The following MACROD1 variants were observed in gnomAD, a reference collection of about 807,000 sequenced individuals.
MACROD1 encodes mono-ADP ribosylhydrolase 1.
Under a neutral mutation model 41.4 loss-of-function variants are expected in MACROD1, and 31 were observed. The ratio of observed to expected loss-of-function variants is 0.75; its 90% confidence interval spans 0.56 to 1.01. The LOEUF is 1.01. Among genes scored for constraint, MACROD1 ranks in the 50% least tolerant of loss-of-function variants. The pLI is 0.00. For synonymous variants in MACROD1, 252 were observed against 203.4 expected (o/e 1.24, Z -2.03); for missense variants, 473 against 460.0 (o/e 1.03, Z -0.26).
intron 3 of MACROD1, chr11:64,138,434 G>A (rs1316872609): frequency 1.2e-6 from 1 of 831,570 alleles, no homozygotes; most frequent in Non-Finnish European, 1.5e-6. Flanking sequence ...TGTCAATTCT[G>A]GGCCATTTGC....
At chr11:64,080,095 C>T (rs1357537772) in intron 3 of MACROD1, among the ~76,000 whole-genome samples, 1 of 152,214 alleles carries the variant, frequency 6.6e-6, no homozygotes, top group African/African-American at 2.4e-5. Flanking sequence ...TCACTGCAAC[C>T]TCCGCCTCCC....
At chr11:64,141,545 G>A (rs2622424) in intron 3 of MACROD1, among the ~76,000 whole-genome samples, 9,830 of 152,306 alleles carry the variant, frequency 0.065, 392 homozygotes, top group Middle Eastern at 0.15. Flanking sequence ...AGGAACTGGC[G>A]GATCATTCCA....
At chr11:64,013,015 A>C (rs980374089) in intron 4 of MACROD1, among the ~76,000 whole-genome samples, 4 of 151,848 alleles carry the variant, frequency 2.6e-5, no homozygotes, top group Non-Finnish European at 4.4e-5. Context: ...TTTTTTGTAG[A>C]GATGGGGTCT....
Position 63,999,635 on chromosome 11 carries a change from C to T in MACROD1, c.786+7G>A, listed in dbSNP as rs750063535. The T allele has an allele frequency of 2.5e-6, 4 of 1,609,618 alleles. No individual in the cohort carries two copies. The highest frequency in any genetic ancestry group is 2.5e-6 in the Non-Finnish European group (3 of 1,178,994). Reference sequence around the variant, plus strand: ...CCTCCCGCCCTCCCCCGCGGGCCGTCCCTCACCACCGAGCGGAGCCGGTGC... The same window carrying T: ...CCTCCCGCCCTCCCCCGCGGGCCGTTCCTCACCACCGAGCGGAGCCGGTGC... On this transcript the variant is annotated splice_region_variant and intron_variant, in intron 6 of 10. Transcript: ENST00000255681.
At chr11:64,054,940 G>A (rs900389772) in intron 3 of MACROD1, among the ~76,000 whole-genome samples, 2 of 151,956 alleles carry the variant, frequency 1.3e-5, no homozygotes, top group Non-Finnish European at 2.9e-5. Flanking sequence ...GCTCTTCACC[G>A]CTGAATTTCT....
At chr11:64,098,491 C>G (rs1944616952) in intron 3 of MACROD1, among the ~76,000 whole-genome samples, 1 of 152,236 alleles carries the variant, frequency 6.6e-6, no homozygotes, top group Admixed American at 6.5e-5. Flanking sequence ...CCTTCTGTCT[C>G]CAGTGCCCTC....
chr11:64,135,359 CT>C (rs1318796818), intron 3 of MACROD1, among the ~76,000 whole-genome samples: 1 of 152,208 alleles, frequency 6.6e-6, no homozygotes, highest in Non-Finnish European at 1.5e-5. Flanking sequence ...ACAACGGTCC[CT>C]AAAGAGCAAC....
intron 3 of MACROD1, among the ~76,000 whole-genome samples, chr11:64,105,003 T>C (rs987730739): frequency 9.2e-5 from 14 of 152,176 alleles, no homozygotes; most frequent in Admixed American, 9.2e-4. Flanking sequence ...CTTCCCACGC[T>C]CTTCCTCAGG....
rs1416537873 is a variant in MACROD1 at position 64,082,280 on chromosome 11, T to C, written c.518-66999A>G. Among the ~76,000 whole-genome samples, 1 of 151,422 alleles carries C rather than the reference T, an allele frequency of 6.6e-6. No individual in the cohort carries two copies. Among genetic ancestry groups the C allele is most frequent in the Non-Finnish European group, 1.5e-5 (1 of 67,848 alleles). ...GGCTGAGCCTGGGGGGTGGAGAAAA[T>C]CTTGCCTCCTGCTCTGAGCAGCCAG... On this transcript the variant is annotated intron_variant, in intron 3 of 10. Transcript: ENST00000255681. The surrounding 1 kb of genome is among the most constrained non-coding windows in gnomAD (Gnocchi z 4.5).
intron 3 of MACROD1, among the ~76,000 whole-genome samples, chr11:64,143,788 AC>A (rs1945450472): frequency 1.3e-5 from 2 of 150,692 alleles, no homozygotes; most frequent in African/African-American, 2.4e-5. Flanking sequence ...ACACACACAC[AC>A]ACACACACAC....
At chr11:64,140,496 C>T (rs1945397101) in intron 3 of MACROD1, among the ~76,000 whole-genome samples, 1 of 152,220 alleles carries the variant, frequency 6.6e-6, no homozygotes, top group South Asian at 2.1e-4. Context: ...GGACCATTCC[C>T]CCGTTCCCAG....
At chr11:64,165,619 G>T in intron 1 of MACROD1, 78 bp downstream of exon 1, 1 of 1,264,072 alleles carries the variant, frequency 7.9e-7, no homozygotes, top group Non-Finnish European at 1.0e-6. Flanking sequence ...GGGGCTGCTC[G>T]CTCGTTGGGG....
chr11:64,110,245 T>C lies in MACROD1; in HGVS notation c.517+40994A>G, dbSNP rs538453472. 3.3e-5 allele frequency among the ~76,000 whole-genome samples: 5 copies of C among 149,850 alleles called. No individual in the cohort carries two copies. The East Asian group carries it at 9.8e-4, about 29-fold the overall frequency. ...TGGGCAGATTGCTTGAGCCTAGGAG[T>C]TCAAGACCAGCCTGGGCAACATAGC... On this transcript the variant is annotated intron_variant, in intron 3 of 10. Transcript: ENST00000255681.
intron 3 of MACROD1, among the ~76,000 whole-genome samples, chr11:64,144,519 C>T (rs1945463594): frequency 6.6e-6 from 1 of 152,228 alleles, no homozygotes; most frequent in African/African-American, 2.4e-5. Context: ...ACAATCCTGC[C>T]TGCCTCTCGG....
intron 3 of MACROD1, among the ~76,000 whole-genome samples, chr11:64,144,335 C>T (rs1288677697): frequency 6.6e-6 from 1 of 152,192 alleles, no homozygotes; most frequent in Non-Finnish European, 1.5e-5. Context: ...ACATGTGTTA[C>T]CCCTTATCCG....
At chr11:64,152,750 C>A (rs1172917724) in intron 1 of MACROD1, among the ~76,000 whole-genome samples, 2 of 152,238 alleles carry the variant, frequency 1.3e-5, no homozygotes, top group African/African-American at 2.4e-5. Flanking sequence ...CCCTGCAGAA[C>A]AGCTCCGAGC....
At chr11:64,149,295 G>A (rs148885095) in intron 3 of MACROD1, among the ~76,000 whole-genome samples, 770 of 152,256 alleles carry the variant, frequency 5.1e-3, no homozygotes, top group Admixed American at 9.0e-3. Flanking sequence ...GTAACCTGAC[G>A]GGTGGTTTCT....
intron 3 of MACROD1, among the ~76,000 whole-genome samples, chr11:64,033,159 G>C (rs780081904): frequency 1.3e-5 from 2 of 152,198 alleles, no homozygotes; most frequent in Non-Finnish European, 2.9e-5. Context: ...GCAAGATCTT[G>C]CTAAGCCATA....
chr11:64,148,782 C>T lies in MACROD1; in HGVS notation c.517+2457G>A, dbSNP rs565883962. 7 of 985,756 alleles carry T rather than the reference C, an allele frequency of 7.1e-6. No homozygotes were observed. In the East Asian group the frequency reaches 8.0e-4, roughly 112 times the overall value. 61.1% of individuals were successfully genotyped at this position (985,756 alleles called of 1,614,324 possible). On this transcript the variant is annotated intron_variant, in intron 3 of 10. Coordinates refer to ENST00000255681, the MANE Select transcript of MACROD1 (RefSeq NM_014067.4). ...GACTTTTATTCCACTAATAAACAGG[C>T]TGATATATGGGCTCCTGGGAACTGC...
Sources: gnomAD v4.1 joint callset for allele counts (sites outside exome capture counted in the v4.1 genomes callset) on GRCh38, gnomAD v4.1.1 for gene constraint, Gnocchi (gnomAD v3.1) non-coding constraint, MANE v1.5 for transcripts, NCBI Gene and HGNC (gene_info 2026-07-23, HGNC 2026-07-21) for gene names.